VAV2: variants seen among roughly 807,000 people sequenced by gnomAD.
The protein encoded by VAV2 is vav guanine nucleotide exchange factor 2.
VAV2 carries 67 observed loss-of-function variants against 132.5 expected under a neutral mutation model. The observed-to-expected ratio is 0.51, with a 90% confidence interval of 0.42 to 0.62. The LOEUF (loss-of-function observed/expected upper bound fraction) is 0.62, where lower values mean the gene tolerates loss of function less well. Ranked by LOEUF, VAV2 falls within the 20% of genes least tolerant of loss-of-function variation. The pLI, the probability that VAV2 is intolerant of heterozygous loss-of-function variation, is 0.00. For synonymous variants in VAV2, 492 were observed against 443.5 expected (o/e 1.11, Z -1.37); for missense variants, 938 against 1,153.6 (o/e 0.81, Z 2.71).
chr9:133,970,249 A>G (rs1045617767), intron 1 of VAV2, among the ~76,000 whole-genome samples: 10 of 152,188 alleles, frequency 6.6e-5, no homozygotes, highest in African/African-American at 1.2e-4. Context: ...AGGCCTGGGG[A>G]AGGGCCCCAC....
intron 2 of VAV2, among the ~76,000 whole-genome samples, chr9:133,868,151 G>A (rs565538605): frequency 6.6e-6 from 1 of 152,304 alleles, no homozygotes; most frequent in Admixed American, 6.5e-5. Flanking sequence ...AGGAATCCTC[G>A]CTGCCCTCCA....
chr9:133,929,454 C>T (rs1035917383), intron 2 of VAV2, among the ~76,000 whole-genome samples: 1 of 152,074 alleles, frequency 6.6e-6, no homozygotes, highest in Non-Finnish European at 1.5e-5. Flanking sequence ...AGGATGGATT[C>T]GAGGTGCCTG....
At chr9:133,862,222 C>T (rs553525044) in intron 2 of VAV2, among the ~76,000 whole-genome samples, 1 of 152,384 alleles carries the variant, frequency 6.6e-6, no homozygotes, top group South Asian at 2.1e-4. Context: ...AAGCCCAACA[C>T]AGCCACTCCA....
At position 133,879,137 on chromosome 9, in the gene VAV2, G is replaced by A. The variant is rs147059447; in HGVS notation, c.322-17705C>T. On this transcript the variant is annotated intron_variant, in intron 2 of 29. Coordinates refer to ENST00000371850, the MANE Select transcript of VAV2 (RefSeq NM_001134398.2). This position sits in a 1 kb window ranked among gnomAD's most constrained non-coding sequence, Gnocchi z 4.4. ...GCTGCTGAACCTGGCTCTGGACCCC[G>A]TCTCAGCTGCAGACTCGCAGCAGTG... 1.7e-4 allele frequency among the ~76,000 whole-genome samples: 26 copies of A among 152,178 alleles called. No individual in the cohort carries two copies. Among genetic ancestry groups the A allele is most frequent in the Non-Finnish European group, 1.3e-4 (9 of 68,038 alleles).
chr9:133,788,243 C>CCAAA lies in VAV2; in HGVS notation c.1407+110_1407+111insTTTG. 1 of 1,310,484 alleles carries CCAAA rather than the reference C, an allele frequency of 7.6e-7. No individual in the cohort carries two copies. The highest frequency in any genetic ancestry group is 1.1e-6 in the Non-Finnish European group (1 of 948,764). 81.2% of individuals were successfully genotyped at this position (1,310,484 alleles called of 1,614,324 possible). ...AGACGCCCACCCCAACCCACCCGGC[C>CCAAA]AGCATCAGCGGCTGACTTCGAGTCC... On this transcript the variant is annotated intron_variant, in intron 15 of 29. Transcript: ENST00000371850. The surrounding 1 kb of genome is among the most constrained non-coding windows in gnomAD (Gnocchi z 5.3).
Position 133,768,717 on chromosome 9 carries a change from G to C in VAV2, c.2435-121C>G, listed in dbSNP as rs1320806838. On this transcript the variant is annotated intron_variant, in intron 28 of 29. Coordinates refer to ENST00000371850, the MANE Select transcript of VAV2 (RefSeq NM_001134398.2). The surrounding 1 kb of genome is among the most constrained non-coding windows in gnomAD (Gnocchi z 5.3). ...CCCAGAACCCTGCTCTGTACCCAGA[G>C]AGGAAGGATGTCAAGCAGAAAGGCT... 4 of 1,268,916 alleles carry C rather than the reference G, an allele frequency of 3.2e-6. No homozygotes were observed. Among genetic ancestry groups the C allele is most frequent in the East Asian group, 5.1e-5 (2 of 38,984 alleles). 78.6% of individuals were successfully genotyped at this position (1,268,916 alleles called of 1,614,324 possible).
chr9:133,976,026 T>C (rs1323172038), intron 1 of VAV2, among the ~76,000 whole-genome samples: 1 of 134,102 alleles, frequency 7.5e-6, no homozygotes, highest in Non-Finnish European at 1.6e-5. Flanking sequence ...TAAAACCCCA[T>C]CTCTACTAAA....
At chr9:133,791,986 G>GT (rs1390947503) in intron 12 of VAV2, 117 bp from the exon 13 acceptor site, 2 of 214,474 alleles carry the variant, frequency 9.3e-6, no homozygotes, top group South Asian at 8.0e-5. Context: ...TGTGCTGGGT[G>GT]GGGGGTGTGT....
intron 4 of VAV2, among the ~76,000 whole-genome samples, chr9:133,819,501 G>A (rs1410843645): frequency 6.6e-6 from 1 of 151,946 alleles, no homozygotes; most frequent in East Asian, 1.9e-4. Context: ...AGCTGTGTTT[G>A]GGAATCTGTC....
intron 9 of VAV2, among the ~76,000 whole-genome samples, chr9:133,805,409 C>A (rs1046340817): frequency 6.6e-6 from 1 of 152,202 alleles, no homozygotes; most frequent in Non-Finnish European, 1.5e-5. Flanking sequence ...TTGGCACCGT[C>A]CCCTGATGGG....
At chr9:133,920,485 G>A (rs969150820) in intron 2 of VAV2, among the ~76,000 whole-genome samples, 3 of 152,216 alleles carry the variant, frequency 2.0e-5, no homozygotes, top group Admixed American at 6.5e-5. Flanking sequence ...ATTAGGCAGA[G>A]GTGTCCAGTG....
At chr9:133,967,855 C>T (rs1358283709) in intron 1 of VAV2, among the ~76,000 whole-genome samples, 1 of 148,900 alleles carries the variant, frequency 6.7e-6, no homozygotes, top group Non-Finnish European at 1.5e-5. Context: ...ATGGCTTGAA[C>T]CCACGAGGTG....
intron 2 of VAV2, among the ~76,000 whole-genome samples, chr9:133,882,612 C>G (rs1230934667): frequency 6.6e-6 from 1 of 152,136 alleles, no homozygotes; most frequent in Non-Finnish European, 1.5e-5. Flanking sequence ...AGGAGCGTGG[C>G]CCTGCCGACA....
intron 2 of VAV2, among the ~76,000 whole-genome samples, chr9:133,872,934 G>A (rs1036388236): frequency 1.3e-5 from 2 of 152,092 alleles, no homozygotes; most frequent in Non-Finnish European, 1.5e-5. Context: ...GCAACGTGGT[G>A]AAACCCCATC....
rs928990590 is a variant in VAV2 at position 133,861,394 on chromosome 9, G to A, written c.360C>T (p.Ile120=). ...CTCACCTGATCCCTTTGTTCTGCGC[G>A]ATGCTGTGCAGGGAGAGCCTCGACA... is the stretch of plus-strand genomic sequence containing the variant. ...SAVSRLSLHS[I]AQNKGIRPFP... The change falls in exon 3 of 30, where the codon ATC becomes ATT. Residue 120 remains isoleucine, a synonymous_variant. Coordinates refer to ENST00000371850, the MANE Select transcript of VAV2 (RefSeq NM_001134398.2). 6.8e-6 allele frequency: 11 copies of A among 1,613,482 alleles called. No homozygotes were observed. The highest frequency in any genetic ancestry group is 5.9e-6 in the Non-Finnish European group (7 of 1,179,774).
At chr9:133,897,968 G>A (rs1185715800) in intron 2 of VAV2, among the ~76,000 whole-genome samples, 2 of 152,234 alleles carry the variant, frequency 1.3e-5, no homozygotes, top group African/African-American at 2.4e-5. Flanking sequence ...GCAGAGACAG[G>A]CAGCTGGCTT....
At chr9:133,966,463 T>C (rs1301869046) in intron 1 of VAV2, among the ~76,000 whole-genome samples, 5 of 152,230 alleles carry the variant, frequency 3.3e-5, no homozygotes, top group Non-Finnish European at 7.3e-5. Flanking sequence ...CCCAACACTT[T>C]GAGAGGCCGA....
At chr9:133,770,267 AGGG>A (rs1833572556) in intron 27 of VAV2, 108 bp downstream of exon 27, 1 of 1,520,688 alleles carries the variant, frequency 6.6e-7, no homozygotes, top group Non-Finnish European at 8.9e-7. Flanking sequence ...TGTGTTCCCC[AGGG>A]TGGGACTCCT....
Position 133,945,553 on chromosome 9 carries a change from GC to G in VAV2, c.205-6335del, listed in dbSNP as rs1461162382. 7.0e-4 allele frequency among the ~76,000 whole-genome samples: 106 copies of G among 152,292 alleles called. 1 individual carries two copies. Among genetic ancestry groups the G allele is most frequent in the African/African-American group, 2.5e-3 (102 of 41,550 alleles). On this transcript the variant is annotated intron_variant, in intron 1 of 29. Transcript: ENST00000371850. ...ACCCAGGCCCGGTTCCTCTCAGGAT[GC>G]CCCCAGCCTCTGGCAGGCCCATGCC...
Sources: gnomAD v4.1 joint callset for allele counts (sites outside exome capture counted in the v4.1 genomes callset) on GRCh38, gnomAD v4.1.1 for gene constraint, Gnocchi (gnomAD v3.1) non-coding constraint, MANE v1.5 for transcripts, NCBI Gene and HGNC (gene_info 2026-07-23, HGNC 2026-07-21) for gene names.